The following TRPM2 variants were observed in gnomAD, a reference collection of about 807,000 sequenced individuals.
The protein encoded by TRPM2 is transient receptor potential cation channel subfamily M member 2, also known as estrogen-responsive element-associated gene 1 protein.
TRPM2 carries 161 observed loss-of-function variants against 174.0 expected under a neutral mutation model. That is an observed-to-expected ratio of 0.93 (90% CI 0.81 to 1.05). The LOEUF (loss-of-function observed/expected upper bound fraction) is 1.05, where lower values mean the gene tolerates loss of function less well. Ranked by LOEUF, TRPM2 falls within the 50% of genes least tolerant of loss-of-function variation. The probability of loss-of-function intolerance (pLI) is 0.00; values close to 1 mark genes in which losing one functional copy is unlikely to be tolerated. For synonymous variants in TRPM2, 954 were observed against 861.3 expected (o/e 1.11, Z -1.88); for missense variants, 2,057 against 2,038.0 (o/e 1.01, Z -0.18).
intron 19 of TRPM2, among the ~76,000 whole-genome samples, 186 bp downstream of exon 19, chr21:44,406,951 A>G (rs1046539401): frequency 4.7e-5 from 7 of 150,000 alleles, no homozygotes; most frequent in African/African-American, 1.7e-4. Context: ...AAGGGGCCCC[A>G]CCAGGGGAGG....
In TRPM2 at chr21:44,401,792, C is replaced by T. The variant is rs779676413; in HGVS notation, c.2433C>T (p.Cys811=). 2 of 1,613,914 alleles carry T rather than the reference C, an allele frequency of 1.2e-6. No homozygotes were observed. Among genetic ancestry groups the T allele is most frequent in the Non-Finnish European group, 1.7e-6 (2 of 1,180,024 alleles). The stretch of plus-strand genomic sequence containing the variant: ...TCCTCTCCTACTTCGCCTTCCTCTG[C>T]CTGTTCGCCTACGTGCTCATGGTGG... ...LNILSYFAFL[C]LFAYVLMVDF... is the part of the protein sequence containing the mutation. The change falls in exon 16 of 32, where the codon TGC becomes TGT. Residue 811 remains cysteine, a synonymous_variant. Coordinates refer to ENST00000397928, the MANE Select transcript of TRPM2 (RefSeq NM_003307.4).
chr21:44,406,861 A>C, intron 19 of TRPM2, 96 bp downstream of exon 19: 4 of 1,456,532 alleles, frequency 2.7e-6, no homozygotes, highest in East Asian at 5.0e-5. Context: ...GGCCGGCTCC[A>C]TCAGGGGGTC....
At chr21:44,427,306 T>G (rs2050837784) in intron 27 of TRPM2, among the ~76,000 whole-genome samples, 195 bp downstream of exon 27, 1 of 152,166 alleles carries the variant, frequency 6.6e-6, no homozygotes, top group Non-Finnish European at 1.5e-5. Context: ...GCGTGGGACT[T>G]GCCCCCTGGC....
At chr21:44,416,930 C>G (rs1474293018) in intron 20 of TRPM2, among the ~76,000 whole-genome samples, 2 of 132,954 alleles carry the variant, frequency 1.5e-5, no homozygotes, top group African/African-American at 5.8e-5. Context: ...GGGCGTGGCT[C>G]TGCTCTCTGG....
rs1785440 is a variant in TRPM2, at chr21:44,406,920, A to G, written c.2962+155A>G. ...TCCTCCCTGGGGGCATTCATTCCCC[A>G]GCTCCTGTGGCAGGAAGTAGAAGGG... On this transcript the variant is annotated intron_variant, in intron 19 of 31. Transcript: ENST00000397928. Among the ~76,000 whole-genome samples, 134,642 of 149,950 alleles carry G rather than the reference A, an allele frequency of 0.9. 60,557 individuals are homozygous for G. The highest frequency in any genetic ancestry group is 0.96 in the African/African-American group (39,050 of 40,788).
chr21:44,397,664 C>T (rs994378384), intron 12 of TRPM2, 83 bp from the exon 13 acceptor site: 155 of 1,446,600 alleles, frequency 1.1e-4, no homozygotes, highest in Non-Finnish European at 1.4e-4. Context: ...GCCTCGTTTT[C>T]ATCACCTGGG....
rs1274709814 is a variant in TRPM2, at chr21:44,390,989, C to T, written c.1404C>T (p.Ala468=). ...LAVAWNRVDI[A]RSEIFMDEWQ... The stretch of plus-strand genomic sequence containing the variant: ...TGGCATGGAATCGCGTGGACATTGC[C>T]CGCAGTGAGATCTTCATGGATGAGT... The change falls in exon 10 of 32, where the codon GCC becomes GCT. Residue 468 remains alanine (A), a synonymous_variant. Transcript: ENST00000397928. 2 of 1,614,114 alleles carry T rather than the reference C, an allele frequency of 1.2e-6. No individual in the cohort carries two copies. Among genetic ancestry groups the T allele is most frequent in the Admixed American group, 3.3e-5 (2 of 60,030 alleles).
At chr21:44,383,231 A>G (rs1602181129) in intron 9 of TRPM2, among the ~76,000 whole-genome samples, 1 of 152,140 alleles carries the variant, frequency 6.6e-6, no homozygotes, top group East Asian at 1.9e-4. Flanking sequence ...CTTGAGCTGT[A>G]GTGGCTCTCT....
At chr21:44,410,029 G>A (rs1208394948) in intron 19 of TRPM2, among the ~76,000 whole-genome samples, 7 of 151,460 alleles carry the variant, frequency 4.6e-5, no homozygotes, top group Middle Eastern at 3.5e-3. Flanking sequence ...GTCTTGGTTG[G>A]CGTAGCCTTG....
chr21:44,385,914 T>G (rs543281021), intron 9 of TRPM2, among the ~76,000 whole-genome samples: 1 of 152,324 alleles, frequency 6.6e-6, no homozygotes, highest in South Asian at 2.1e-4. Context: ...TACCTCCACC[T>G]GGTCTCTCCC....
Position 44,439,009 on chromosome 21 carries a change from C to A in TRPM2, c.4168-58C>A. 1.4e-6 allele frequency: 2 copies of A among 1,461,410 alleles called. No individual in the cohort carries two copies. The highest frequency in any genetic ancestry group is 1.9e-6 in the Non-Finnish European group (2 of 1,057,188). The allele number at this position is 1,461,410 out of a possible 1,614,324, so 90.5% of individuals were successfully genotyped here. The stretch of plus-strand genomic sequence containing the variant: ...AGGCCAGTGGAGACGGGTGCCAGGG[C>A]AGCCTGAGGTCCCGCTTCGGTGCCC... On this transcript the variant is annotated intron_variant, in intron 29 of 31. Coordinates refer to ENST00000397928, the MANE Select transcript of TRPM2 (RefSeq NM_003307.4). This position sits in a 1 kb window ranked among gnomAD's most constrained non-coding sequence, Gnocchi z 5.1.
chr21:44,426,920 G>T, intron 26 of TRPM2, 90 bp from the exon 27 acceptor site: 1 of 1,414,906 alleles, frequency 7.1e-7, no homozygotes, highest in Non-Finnish European at 9.7e-7. Flanking sequence ...TACTCGGCTG[G>T]GCCCTTGGTG....
At chr21:44,418,841 G>A (rs2050410053) in intron 22 of TRPM2, among the ~76,000 whole-genome samples, 1 of 152,344 alleles carries the variant, frequency 6.6e-6, no homozygotes, top group Non-Finnish European at 1.5e-5. Context: ...TGGCCCGCAG[G>A]ATCCGGCTTG....
intron 2 of TRPM2, among the ~76,000 whole-genome samples, chr21:44,355,554 G>A (rs959399245): frequency 5.3e-5 from 8 of 152,148 alleles, no homozygotes; most frequent in Admixed American, 2.6e-4. Flanking sequence ...CCCTCCTACC[G>A]CACCGTGTGT....
upstream of TRPM2, chr21:44,350,406 T>TGCGGGGG (rs2047909672): frequency 8.3e-6 from 1 of 120,894 alleles, no homozygotes; most frequent in African/African-American, 3.5e-5. Flanking sequence ...CGTGCAGGGG[T>TGCGGGGG]GCGGGGTGCG....
Position 44,427,041 on chromosome 21 carries a change from A to C in TRPM2, c.3904A>C (p.Asn1302His). The C allele has an allele frequency of 6.2e-7, 1 of 1,606,776 alleles. No individual in the cohort carries two copies. Among genetic ancestry groups the C allele is most frequent in the African/African-American group, 1.3e-5 (1 of 74,950 alleles). ...TLEPLSTIQY[N>H]VVDGLRDRRS... is the part of the protein sequence containing the mutation. ...GGAGCCACTGTCCACGATCCAGTAC[A>C]ACGTGGTGGATGGCCTGAGGGACCG... Residue 1302 changes from asparagine (N) to histidine (H), a missense_variant, in exon 27 of 32, where the codon AAC becomes CAC. Asn to His is a moderately conservative substitution (Grantham distance 68). Coordinates refer to ENST00000397928, the MANE Select transcript of TRPM2 (RefSeq NM_003307.4).
chr21:44,414,486 A>G (rs2050213700), intron 20 of TRPM2: 1 of 186,386 alleles, frequency 5.4e-6, no homozygotes, highest in Non-Finnish European at 1.1e-5. Context: ...GCTGCTGCTC[A>G]GGGCTGTCCC....
chr21:44,377,551 G>T (rs1602165313), intron 6 of TRPM2, among the ~76,000 whole-genome samples, 161 bp from the exon 7 acceptor site: 1 of 152,256 alleles, frequency 6.6e-6, no homozygotes, highest in East Asian at 1.9e-4. Flanking sequence ...TGTGTGGTTA[G>T]GCTGGAGCCA....
intron 9 of TRPM2, among the ~76,000 whole-genome samples, chr21:44,390,108 A>G (rs1199849355): frequency 2.6e-5 from 4 of 152,016 alleles, no homozygotes; most frequent in African/African-American, 9.7e-5. Flanking sequence ...TCCTGACCTC[A>G]TGATCCACCC....
Sources: gnomAD v4.1 joint callset for allele counts (sites outside exome capture counted in the v4.1 genomes callset) on GRCh38, gnomAD v4.1.1 for gene constraint, Gnocchi (gnomAD v3.1) non-coding constraint, MANE v1.5 for transcripts, NCBI Gene and HGNC (gene_info 2026-07-23, HGNC 2026-07-21) for gene names.